The following AKR1E2 variants were observed in gnomAD, a reference collection of about 807,000 sequenced individuals.
AKR1E2 encodes 1,5-anhydro-D-fructose reductase.
AKR1E2 carries 43 observed loss-of-function variants against 41.9 expected under a neutral mutation model. The observed-to-expected ratio is 1.03, with a 90% CI of 0.80 to 1.32. AKR1E2 has a LOEUF of 1.32. Ranked by LOEUF, AKR1E2 falls within the 40% of genes most tolerant of loss-of-function variation. AKR1E2 has a pLI of 0.00. For synonymous variants in AKR1E2, 121 were observed against 138.9 expected (o/e 0.87, Z 0.91); for missense variants, 423 against 396.5 (o/e 1.07, Z -0.57).
At chr10:4,828,064 A>G (rs1832685539) in intron 1 of AKR1E2, among the ~76,000 whole-genome samples, 1 of 152,214 alleles carries the variant, frequency 6.6e-6, no homozygotes. Flanking sequence ...TATTTTTAAT[A>G]GTGAATAAAC....
the AKR1E2 span, among the ~76,000 whole-genome samples, chr10:4,857,098 T>G: frequency 6.6e-6 from 1 of 152,192 alleles, no homozygotes; most frequent in African/African-American, 2.4e-5. Context: ...TCACACAATA[T>G]TTGCCTTTTT....
chr10:4,848,843 T>TCCCAGCCTTCAGTGTCCTTGAG (rs1554760438), downstream of AKR1E2, among the ~76,000 whole-genome samples: 8 of 152,206 alleles, frequency 5.3e-5, no homozygotes, highest in Non-Finnish European at 1.0e-4. Flanking sequence ...CTGCCTCACC[T>TCCCAGCCTTCAGTGTCCTTGAG]CCCAGCCTTC....
chr10:4,824,996 C>T, upstream of AKR1E2: 1 of 455,716 alleles, frequency 2.2e-6, no homozygotes, highest in South Asian at 1.5e-5. Context: ...CCATGCAGGT[C>T]ATTTTCAGCA....
At chr10:4,830,446 A>C (rs769981580) in intron 1 of AKR1E2, among the ~76,000 whole-genome samples, 12 of 152,010 alleles carry the variant, frequency 7.9e-5, no homozygotes, top group Non-Finnish European at 1.8e-4. Context: ...GCAGACACTA[A>C]AAATAACCTA....
downstream of AKR1E2, among the ~76,000 whole-genome samples, chr10:4,852,523 A>G (rs560170489): frequency 1.3e-5 from 2 of 152,314 alleles, no homozygotes; most frequent in East Asian, 1.9e-4. Context: ...GCTAGAGACT[A>G]CCCAAAGGAA....
rs374910563 is a variant in AKR1E2 at position 4,839,625 on chromosome 10, T to C, written c.583-104T>C. On this transcript the variant is annotated intron_variant, in intron 5 of 9. Transcript: ENST00000298375. ...CACTTAGGCCTGGAGCTGGGCCCCATGGCTACTCGGTGACAGCCAAGACTT... is the reference window on the plus strand; with the variant it reads ...CACTTAGGCCTGGAGCTGGGCCCCACGGCTACTCGGTGACAGCCAAGACTT... 19 of 1,038,630 alleles carry C rather than the reference T, an allele frequency of 1.8e-5. No individual in the cohort carries two copies. In the East Asian group the frequency reaches 4.4e-4, roughly 24 times the overall value. 64.3% of individuals were successfully genotyped at this position (1,038,630 alleles called of 1,614,324 possible).
the AKR1E2 span, among the ~76,000 whole-genome samples, chr10:4,863,607 G>A: frequency 2.6e-5 from 4 of 152,022 alleles, no homozygotes; most frequent in Non-Finnish European, 5.9e-5. Flanking sequence ...AAATAACTAA[G>A]ATCAGAGCAG....
the AKR1E2 span, among the ~76,000 whole-genome samples, chr10:4,858,089 A>T: frequency 6.6e-6 from 1 of 151,892 alleles, no homozygotes; most frequent in Admixed American, 6.6e-5. Context: ...TGATTTTACC[A>T]TGTTAGTTTT....
At chr10:4,844,095 G>A (rs905188189) in intron 8 of AKR1E2, among the ~76,000 whole-genome samples, 9 of 152,214 alleles carry the variant, frequency 5.9e-5, no homozygotes, top group African/African-American at 1.9e-4. Flanking sequence ...TGAAGCCGCG[G>A]ACCCTTGCGG....
At chr10:4,835,576 A>T in intron 3 of AKR1E2, 99 bp from the exon 4 acceptor site, 1 of 1,439,952 alleles carries the variant, frequency 6.9e-7, no homozygotes, top group Non-Finnish European at 9.2e-7. Context: ...GGGGTTGCTT[A>T]GTGACAGGGC....
intron 6 of AKR1E2, among the ~76,000 whole-genome samples, chr10:4,840,727 C>CT (rs199571987): frequency 1.6e-4 from 24 of 150,174 alleles, no homozygotes; most frequent in East Asian, 9.7e-4. Context: ...ACCCACAAAT[C>CT]TTTTTTTTTT....
intron 8 of AKR1E2, among the ~76,000 whole-genome samples, chr10:4,846,706 C>T (rs752906048): frequency 2.4e-4 from 36 of 152,010 alleles, no homozygotes; most frequent in African/African-American, 6.0e-4. Context: ...CCACCATGTC[C>T]GGCTAATTTT....
At chr10:4,852,140 T>C (rs1394722085), downstream of AKR1E2, among the ~76,000 whole-genome samples, 3 of 152,232 alleles carry the variant, frequency 2.0e-5, no homozygotes, top group East Asian at 1.9e-4. Context: ...TGGGAAATCA[T>C]TGAAAAACAA....
At chr10:4,828,528 C>T (rs1246573774) in intron 1 of AKR1E2, among the ~76,000 whole-genome samples, 1 of 152,136 alleles carries the variant, frequency 6.6e-6, no homozygotes, top group Non-Finnish European at 1.5e-5. Flanking sequence ...GTACCTGGGT[C>T]CTGGCTTTTT....
intron 6 of AKR1E2, among the ~76,000 whole-genome samples, 154 bp from the exon 7 acceptor site, chr10:4,841,631 G>A (rs77149175): frequency 5.9e-5 from 9 of 152,150 alleles, no homozygotes; most frequent in African/African-American, 1.9e-4. Context: ...AATGTGGGGC[G>A]ATGTGCTTTT....
downstream of AKR1E2, among the ~76,000 whole-genome samples, chr10:4,852,281 C>G (rs1834538852): frequency 6.6e-6 from 1 of 152,064 alleles, no homozygotes; most frequent in Non-Finnish European, 1.5e-5. Context: ...AATTTCTTGG[C>G]TAGAAAAATC....
At position 4,834,782 on chromosome 10, in the gene AKR1E2, G is replaced by A. The variant is rs540848597; in HGVS notation, c.325-893G>A. Among the ~76,000 whole-genome samples the A allele has an allele frequency of 2.6e-5, 4 of 152,326 alleles. No homozygotes were observed. The East Asian group carries it at 7.7e-4, about 29-fold the overall frequency. ...ATTTCTGGGTCGTAGAAAAGGAAAA[G>A]GTCTCAGATCATCCAACAAATTACA... is the stretch of plus-strand genomic sequence containing the variant. On this transcript the variant is annotated intron_variant, in intron 3 of 9. Coordinates refer to ENST00000298375, the MANE Select transcript of AKR1E2 (RefSeq NM_001040177.3).
At chr10:4,826,868 G>A (rs756213280) in intron 1 of AKR1E2, among the ~76,000 whole-genome samples, 27 of 152,072 alleles carry the variant, frequency 1.8e-4, no homozygotes, top group Non-Finnish European at 3.8e-4. Context: ...CTGAGCTCAG[G>A]AGTTCAAGAC....
chr10:4,865,483 T>C, the AKR1E2 span, among the ~76,000 whole-genome samples: 2 of 152,088 alleles, frequency 1.3e-5, no homozygotes, highest in Non-Finnish European at 2.9e-5. Context: ...GGCCATAAAG[T>C]AAATGAACAG....
Sources: gnomAD v4.1 joint callset for allele counts (sites outside exome capture counted in the v4.1 genomes callset) on GRCh38, gnomAD v4.1.1 for gene constraint, MANE v1.5 for transcripts, NCBI Gene and HGNC (gene_info 2026-07-23, HGNC 2026-07-21) for gene names.